The following DNAJC10 variants were observed in gnomAD, a reference collection of about 807,000 sequenced individuals.
DNAJC10 encodes DnaJ heat shock protein family (Hsp40) member C10.
DNAJC10 carries 101 observed loss-of-function variants against 115.0 expected under a neutral mutation model. That is an observed-to-expected ratio of 0.88 (90% CI 0.75 to 1.04). The LOEUF (loss-of-function observed/expected upper bound fraction) is 1.04, where lower values mean the gene tolerates loss of function less well. Ranked by LOEUF, DNAJC10 falls within the 50% of genes least tolerant of loss-of-function variation. The pLI, the probability that DNAJC10 is intolerant of heterozygous loss-of-function variation, is 0.00. For synonymous variants in DNAJC10, 307 were observed against 301.5 expected, an observed-to-expected ratio of 1.02 and a Z score of -0.19; for missense variants, 981 against 928.8, an observed-to-expected ratio of 1.06 and a Z score of -0.73.
chr2:182,769,076 T>C (rs1210349020), intron 22 of DNAJC10, among the ~76,000 whole-genome samples: 1 of 152,066 alleles, frequency 6.6e-6, no homozygotes, highest in African/African-American at 2.4e-5. Flanking sequence ...ACATGAGATG[T>C]TTGGTTTTCT....
intron 21 of DNAJC10, among the ~76,000 whole-genome samples, chr2:182,762,167 A>AG: frequency 1.2e-5 from 1 of 86,390 alleles, no homozygotes; most frequent in Non-Finnish European, 2.3e-5. Context: ...AGGAAAAAAA[A>AG]AAAAGAGAGA....
chr2:182,743,496 A>C, intron 13 of DNAJC10, 102 bp from the exon 14 acceptor site: 1 of 766,038 alleles, frequency 1.3e-6, no homozygotes, highest in Middle Eastern at 2.3e-4. Context: ...CTGTTTAAAA[A>C]CTGTGTCATT....
chr2:182,760,831 T>C (rs572236535), intron 21 of DNAJC10, among the ~76,000 whole-genome samples: 1 of 152,298 alleles, frequency 6.6e-6, no homozygotes, highest in African/African-American at 2.4e-5. Flanking sequence ...CTATAAAAGA[T>C]TATTTTTGTT....
At chr2:182,762,891 T>C in intron 22 of DNAJC10, 90 bp downstream of exon 22, 2 of 1,406,018 alleles carry the variant, frequency 1.4e-6, no homozygotes, top group African/African-American at 1.4e-5. Flanking sequence ...TTCTGTTTTC[T>C]CATCCTTGTC....
chr2:182,735,316 A>G (rs1368345992), intron 10 of DNAJC10, among the ~76,000 whole-genome samples: 2 of 151,886 alleles, frequency 1.3e-5, no homozygotes, highest in Non-Finnish European at 2.9e-5. Context: ...GCTGTTATGT[A>G]TTCTAATCAA....
chr2:182,788,353 T>C lies in DNAJC10; in HGVS notation c.*11221T>C. 1 of 203,188 alleles carries C rather than the reference T, an allele frequency of 4.9e-6. No homozygotes were observed. Among genetic ancestry groups the C allele is most frequent in the Non-Finnish European group, 9.9e-6 (1 of 101,482 alleles). The allele number at this position is 203,188 out of a possible 1,614,324, so 12.6% of individuals were successfully genotyped here. The stretch of plus-strand genomic sequence containing the variant: ...TCCATAAGCAGTAGTCCAGAAAACA[T>C]AGCGAGGATGAAAATTCACCAAACG... On this transcript the variant is annotated 3_prime_UTR_variant, in exon 24 of 24. Coordinates refer to ENST00000264065, the MANE Select transcript of DNAJC10 (RefSeq NM_018981.4).
At position 182,773,103 on chromosome 2, in the gene DNAJC10, T is replaced by A. The variant is rs529003463; in HGVS notation, c.2266-2213T>A. Among the ~76,000 whole-genome samples the A allele has an allele frequency of 1.6e-4, 24 of 152,308 alleles. 3 individuals are homozygous for A. Among genetic ancestry groups the A allele is most frequent in the Admixed American group, 8.5e-4 (13 of 15,300 alleles). ...TTCTCCTTCACTTATGAAGCTTAGTTTGGCTGGATATGAAATTCTGGGTTG... is the reference window on the plus strand; with the variant it reads ...TTCTCCTTCACTTATGAAGCTTAGTATGGCTGGATATGAAATTCTGGGTTG... On this transcript the variant is annotated intron_variant, in intron 22 of 23. Transcript: ENST00000264065.
chr2:182,774,647 C>T (rs977561005), intron 22 of DNAJC10, among the ~76,000 whole-genome samples: 1 of 152,240 alleles, frequency 6.6e-6, no homozygotes, highest in Non-Finnish European at 1.5e-5. Context: ...GGTGTGGGAC[C>T]CTCTGAGCCA....
chr2:182,732,024 A>G (rs1005169605), intron 9 of DNAJC10, among the ~76,000 whole-genome samples: 3 of 152,104 alleles, frequency 2.0e-5, no homozygotes, highest in African/African-American at 4.8e-5. Flanking sequence ...TCTTTCTTCT[A>G]AATCTTCTCT....
At chr2:182,759,033 A>G (rs16823660) in intron 20 of DNAJC10, 127 bp from the exon 21 acceptor site, 14,510 of 1,017,012 alleles carry the variant, frequency 0.014, 408 homozygotes, top group East Asian at 0.088. Context: ...CCAAGATAGT[A>G]CTGTACTTTA....
intron 18 of DNAJC10, among the ~76,000 whole-genome samples, chr2:182,757,223 TA>T (rs1694178686): frequency 6.6e-6 from 1 of 152,174 alleles, no homozygotes; most frequent in African/African-American, 2.4e-5. Context: ...GTTTACAAGA[TA>T]AAACACTAAA....
chr2:182,733,782 CAGATAGATAGATAGATAGATAGATAGAT>C (rs61416628), intron 10 of DNAJC10, among the ~76,000 whole-genome samples: 1 of 142,436 alleles, frequency 7.0e-6, no homozygotes, highest in African/African-American at 2.6e-5. Flanking sequence ...CAATCTCTCT[CAGATAGATAGATAGATAGATAGATAGAT>C]AGATAGATAG....
rs898623895 is a variant in DNAJC10, at chr2:182,742,330, C to G, written c.1191+974C>G. Reference sequence around the variant, plus strand: ...ATTCCCTCCAGAGTAGCTGGGACTACAGGCGCATGCCACCAAGTCCGGCTA... The same window carrying G: ...ATTCCCTCCAGAGTAGCTGGGACTAGAGGCGCATGCCACCAAGTCCGGCTA... On this transcript the variant is annotated intron_variant, in intron 13 of 23. Coordinates refer to ENST00000264065, the MANE Select transcript of DNAJC10 (RefSeq NM_018981.4). Among the ~76,000 whole-genome samples, 9 of 152,134 alleles carry G rather than the reference C, an allele frequency of 5.9e-5. 1 individual carries two copies. The highest frequency in any genetic ancestry group is 5.9e-4 in the Admixed American group (9 of 15,270).
rs113726792 is a variant in DNAJC10, at chr2:182,721,785, G to A, written c.368-240G>A. 1.3e-3 allele frequency among the ~76,000 whole-genome samples: 194 copies of A among 151,970 alleles called. 1 individual carries two copies. The highest frequency in any genetic ancestry group is 4.2e-3 in the African/African-American group (173 of 41,460). ...GGAGGTAAAATTATGTGAATATTACGAACTACCGCATACACATCTATGAGA... is the reference window on the plus strand; with the variant it reads ...GGAGGTAAAATTATGTGAATATTACAAACTACCGCATACACATCTATGAGA... On this transcript the variant is annotated intron_variant, in intron 4 of 23. Coordinates refer to ENST00000264065, the MANE Select transcript of DNAJC10 (RefSeq NM_018981.4).
intron 21 of DNAJC10, among the ~76,000 whole-genome samples, chr2:182,760,393 C>T (rs1694260110): frequency 6.6e-6 from 1 of 152,000 alleles, no homozygotes; most frequent in Non-Finnish European, 1.5e-5. Flanking sequence ...AGCTGGATAC[C>T]AATGGAAATA....
In DNAJC10 at chr2:182,779,927, G is replaced by A. The variant is rs1279320630; in HGVS notation, c.*2795G>A. The A allele has an allele frequency of 1.3e-5, 2 of 152,094 alleles. No individual in the cohort carries two copies. The highest frequency in any genetic ancestry group is 2.9e-5 in the Non-Finnish European group (2 of 68,024). The allele number at this position is 152,094 out of a possible 1,614,324, so 9.4% of individuals were successfully genotyped here. A position where few individuals can be genotyped will look rare whatever the true frequency, so the allele number is the denominator to read the frequency against. ...TTGTGTAATATTTAGTCTAGTGTTA[G>A]TCCTTAAATCTGCCAACAAAACCAG... is the stretch of plus-strand genomic sequence containing the variant. On this transcript the variant is annotated 3_prime_UTR_variant, in exon 24 of 24. Coordinates refer to ENST00000264065, the MANE Select transcript of DNAJC10 (RefSeq NM_018981.4).
chr2:182,740,661 A>G (rs1471866043), intron 12 of DNAJC10, among the ~76,000 whole-genome samples: 5 of 152,176 alleles, frequency 3.3e-5, no homozygotes, highest in African/African-American at 1.2e-4. Flanking sequence ...AATCAGAGCA[A>G]CTTTGGGTCT....
chr2:182,772,047 A>T (rs984781813), intron 22 of DNAJC10, among the ~76,000 whole-genome samples: 9 of 152,278 alleles, frequency 5.9e-5, no homozygotes, highest in Admixed American at 3.3e-4. Flanking sequence ...TTCAAAGAAC[A>T]TCTTTATTTC....
rs538143357 is a variant in DNAJC10, at chr2:182,718,945, C to T, written c.204+655C>T. Among the ~76,000 whole-genome samples, 184 of 152,088 alleles carry T rather than the reference C, an allele frequency of 1.2e-3. 1 individual carries two copies. Among genetic ancestry groups the T allele is most frequent in the African/African-American group, 4.2e-3 (174 of 41,536 alleles). On this transcript the variant is annotated intron_variant, in intron 3 of 23. Transcript: ENST00000264065. The stretch of plus-strand genomic sequence containing the variant: ...CAAGAAGACATAGTTATAATTTTCT[C>T]TTTTCTAGGTAGAAGTTTTAAAATA...
Sources: gnomAD v4.1 joint callset for allele counts (sites outside exome capture counted in the v4.1 genomes callset) on GRCh38, gnomAD v4.1.1 for gene constraint, MANE v1.5 for transcripts, NCBI Gene and HGNC (gene_info 2026-07-23, HGNC 2026-07-21) for gene names.